TMCO5A: variants seen among roughly 807,000 people sequenced by gnomAD.
TMCO5A encodes transmembrane and coiled-coil domain-containing protein 5A.
A neutral mutation model predicts 42.3 loss-of-function variants in TMCO5A; 34 were observed. The ratio of observed to expected loss-of-function variants is 0.80; its 90% CI spans 0.61 to 1.07. TMCO5A has a LOEUF of 1.07. TMCO5A is among the 50% of genes least tolerant of loss of function. The probability of loss-of-function intolerance (pLI) is 0.00; values close to 1 mark genes in which losing one functional copy is unlikely to be tolerated. For missense variants in TMCO5A, 357 were observed against 327.9 expected, an observed-to-expected ratio of 1.09 and a Z score of -0.69; for synonymous variants, 131 against 115.6, an observed-to-expected ratio of 1.13 and a Z score of -0.86.
chr15:38,036,419 TTC>T, the TMCO5A span, among the ~76,000 whole-genome samples: 1 of 151,690 alleles, frequency 6.6e-6, no homozygotes, highest in African/African-American at 2.4e-5. Context: ...TACAACATCC[TTC>T]TCTCTCTTTC....
chr15:37,985,303 GTAGGTGT>G, the TMCO5A span, among the ~76,000 whole-genome samples: 1 of 152,166 alleles, frequency 6.6e-6, no homozygotes, highest in African/African-American at 2.4e-5. Context: ...TGTAGGGTAG[GTAGGTGT>G]TAATTTTTCT....
intron 11 of TMCO5A, chr15:37,956,623 A>G (rs192400209): frequency 0.032 from 5,413 of 167,466 alleles, 144 homozygotes; most frequent in Non-Finnish European, 0.049. Flanking sequence ...AAAAAAGTCC[A>G]GGACCAGATG....
downstream of TMCO5A, among the ~76,000 whole-genome samples, chr15:37,953,972 A>G (rs1890224655): frequency 6.6e-6 from 1 of 151,960 alleles, no homozygotes; most frequent in African/African-American, 2.4e-5. Context: ...AGAAGAAAGA[A>G]TTAGTGAGCT....
chr15:38,009,726 A>C, the TMCO5A span, among the ~76,000 whole-genome samples: 2 of 152,226 alleles, frequency 1.3e-5, no homozygotes, highest in South Asian at 4.1e-4. Flanking sequence ...TGGCTTCACC[A>C]CTAAATAGCT....
chr15:38,027,729 G>A, the TMCO5A span, among the ~76,000 whole-genome samples: 6 of 152,124 alleles, frequency 3.9e-5, no homozygotes, highest in Non-Finnish European at 1.5e-5. Context: ...GGCAGTAGCA[G>A]GTGGAAATAA....
At chr15:37,958,324 T>G (rs747115914) in intron 11 of TMCO5A, among the ~76,000 whole-genome samples, 3 of 151,872 alleles carry the variant, frequency 2.0e-5, no homozygotes, top group African/African-American at 4.8e-5. Context: ...TGGGAGAAAA[T>G]TTTTGCAATC....
chr15:38,021,242 C>A, the TMCO5A span, among the ~76,000 whole-genome samples: 6 of 152,164 alleles, frequency 3.9e-5, no homozygotes, highest in East Asian at 1.2e-3. Flanking sequence ...ATATGATCAT[C>A]CTTCCTAGAA....
At position 37,939,083 on chromosome 15, in the gene TMCO5A, T is replaced by C. The variant is rs539207734; in HGVS notation, c.387+854T>C. Among the ~76,000 whole-genome samples, 52 of 152,256 alleles carry C rather than the reference T, an allele frequency of 3.4e-4. No individual in the cohort carries two copies. In the East Asian group the frequency reaches 9.1e-3, roughly 27 times the overall value. On this transcript the variant is annotated intron_variant, in intron 6 of 11. Transcript: ENST00000319669. ...GTTACATAGGTATACATGTGCCATG[T>C]TGGTGTGCTGCACCCATTAACTCGT...
chr15:38,001,973 T>C, the TMCO5A span, among the ~76,000 whole-genome samples: 2 of 152,164 alleles, frequency 1.3e-5, no homozygotes, highest in South Asian at 2.1e-4. Flanking sequence ...TATTGTGTTA[T>C]AATATTCTGT....
At chr15:37,958,675 T>C (rs1282938465) in intron 11 of TMCO5A, among the ~76,000 whole-genome samples, 5 of 152,060 alleles carry the variant, frequency 3.3e-5, no homozygotes, top group Admixed American at 3.3e-4. Flanking sequence ...TTGGTGGGAG[T>C]GTAAATTATT....
chr15:37,946,371 T>C (rs1378953945), intron 10 of TMCO5A, among the ~76,000 whole-genome samples: 2 of 151,952 alleles, frequency 1.3e-5, no homozygotes, highest in Non-Finnish European at 2.9e-5. Flanking sequence ...ACATGAATTT[T>C]AAAATCATTT....
chr15:37,990,923 T>C, the TMCO5A span, among the ~76,000 whole-genome samples: 3 of 152,080 alleles, frequency 2.0e-5, no homozygotes, highest in Non-Finnish European at 4.4e-5. Context: ...CATCCTCACA[T>C]CCTTTCAGTT....
chr15:38,016,487 T>C, the TMCO5A span, among the ~76,000 whole-genome samples: 1 of 152,002 alleles, frequency 6.6e-6, no homozygotes. Flanking sequence ...AGATGGATGA[T>C]TTGAGGGGTG....
At chr15:38,031,258 A>G in the TMCO5A span, among the ~76,000 whole-genome samples, 1 of 152,048 alleles carries the variant, frequency 6.6e-6, no homozygotes, top group African/African-American at 2.4e-5. Context: ...ATCCCTTAAT[A>G]TGACCTAAAA....
chr15:38,024,308 C>G, the TMCO5A span, among the ~76,000 whole-genome samples: 3,000 of 152,252 alleles, frequency 0.02, 99 homozygotes, highest in African/African-American at 0.068. Flanking sequence ...CTGGATGTGT[C>G]AAGAGTTCAG....
At chr15:38,014,636 C>T in the TMCO5A span, among the ~76,000 whole-genome samples, 17 of 152,126 alleles carry the variant, frequency 1.1e-4, no homozygotes, top group Non-Finnish European at 1.6e-4. Flanking sequence ...TGTGTGCACA[C>T]ATGTTCTACC....
intron 11 of TMCO5A, among the ~76,000 whole-genome samples, chr15:37,960,009 T>C (rs1388028436): frequency 6.6e-6 from 1 of 151,986 alleles, no homozygotes; most frequent in African/African-American, 2.4e-5. Flanking sequence ...CATACAAAAA[T>C]CAGTAACTTT....
At chr15:38,020,045 T>C in the TMCO5A span, 1 of 151,752 alleles carries the variant, frequency 6.6e-6, no homozygotes, top group Non-Finnish European at 1.5e-5. Flanking sequence ...CAGTCTGGAG[T>C]GCAGTGACAC....
At chr15:37,987,959 A>G in the TMCO5A span, among the ~76,000 whole-genome samples, 1 of 151,980 alleles carries the variant, frequency 6.6e-6, no homozygotes, top group African/African-American at 2.4e-5. Context: ...GGTAACATTG[A>G]CATCTTAGCA....
Sources: gnomAD v4.1 joint callset for allele counts (sites outside exome capture counted in the v4.1 genomes callset) on GRCh38, gnomAD v4.1.1 for gene constraint, MANE v1.5 for transcripts, NCBI Gene and HGNC (gene_info 2026-07-23, HGNC 2026-07-21) for gene names.